The following SLC39A9 variants were observed in gnomAD, a reference collection of about 807,000 sequenced individuals.
The protein encoded by SLC39A9 is zinc transporter ZIP9.
Under a neutral mutation model 28.4 loss-of-function variants are expected in SLC39A9, and 14 were observed. The ratio of observed to expected loss-of-function variants is 0.49; its 90% CI spans 0.33 to 0.77. SLC39A9 has a LOEUF of 0.77. Ranked by LOEUF, SLC39A9 falls within the 30% of genes least tolerant of loss-of-function variation. The pLI, the probability that SLC39A9 is intolerant of heterozygous loss-of-function variation, is 0.02. For missense variants in SLC39A9, 283 were observed against 381.1 expected (o/e 0.74, Z 2.14); for synonymous variants, 119 against 149.6 (o/e 0.80, Z 1.49).
chr14:69,427,485 A>G (rs1321715323), intron 2 of SLC39A9, among the ~76,000 whole-genome samples: 2 of 152,214 alleles, frequency 1.3e-5, no homozygotes, highest in East Asian at 1.9e-4. Flanking sequence ...AGGTGTACAC[A>G]TCTACAAGTT....
intron 1 of SLC39A9, among the ~76,000 whole-genome samples, chr14:69,407,939 T>A (rs1041499848): frequency 2.4e-4 from 36 of 152,156 alleles, no homozygotes; most frequent in African/African-American, 8.4e-4. Flanking sequence ...CCTGCTATTA[T>A]ATTCTTTACG....
Position 69,460,977 on chromosome 14 carries a change from G to C in SLC39A9, c.*2384G>C, listed in dbSNP as rs1275230208. ...GGAGGAAGAGCTTGCTGGCATGGTGGGCAGTATTCCAGGAGAGGCCATGTC... is the reference window on the plus strand; with the variant it reads ...GGAGGAAGAGCTTGCTGGCATGGTGCGCAGTATTCCAGGAGAGGCCATGTC... On this transcript the variant is annotated 3_prime_UTR_variant, in exon 7 of 7. Transcript: ENST00000336643. The C allele has an allele frequency of 3.0e-6, 3 of 985,368 alleles. No individual in the cohort carries two copies. The highest frequency in any genetic ancestry group is 3.6e-6 in the Non-Finnish European group (3 of 830,038). 61.0% of individuals were successfully genotyped at this position (985,368 alleles called of 1,614,324 possible).
intron 1 of SLC39A9, among the ~76,000 whole-genome samples, chr14:69,400,129 C>T (rs1302629627): frequency 6.6e-6 from 1 of 152,128 alleles, no homozygotes; most frequent in South Asian, 2.1e-4. Flanking sequence ...ATGATAACTT[C>T]CTTTTGAGAA....
Position 69,460,995 on chromosome 14 carries a change from G to A in SLC39A9, c.*2402G>A. The A allele has an allele frequency of 1.0e-6, 1 of 985,462 alleles. No individual in the cohort carries two copies. The highest frequency in any genetic ancestry group is 1.2e-6 in the Non-Finnish European group (1 of 830,030). 61.0% of individuals were successfully genotyped at this position (985,462 alleles called of 1,614,324 possible). ...CATGGTGGGCAGTATTCCAGGAGAG[G>A]CCATGTCCGTGTTCACTTCTTGGCA... On this transcript the variant is annotated 3_prime_UTR_variant, in exon 7 of 7. Transcript: ENST00000336643.
At chr14:69,454,772 T>C (rs768911563) in intron 4 of SLC39A9, 40 bp from the exon 5 acceptor site, 14 of 1,520,142 alleles carry the variant, frequency 9.2e-6, no homozygotes, top group Non-Finnish European at 1.2e-5. Context: ...ATTGTTGTTG[T>C]TGTTTATAGT....
At chr14:69,434,083 CTTTTT>C (rs570635766) in intron 2 of SLC39A9, among the ~76,000 whole-genome samples, 2 of 128,330 alleles carry the variant, frequency 1.6e-5, no homozygotes, top group Non-Finnish European at 1.6e-5. Context: ...CTTTTCTTTT[CTTTTT>C]TTTTTTTTTT....
intron 2 of SLC39A9, among the ~76,000 whole-genome samples, chr14:69,433,457 G>C (rs1012002152): frequency 2.0e-5 from 3 of 152,088 alleles, no homozygotes; most frequent in African/African-American, 7.2e-5. Flanking sequence ...TTAGATTTGG[G>C]AAGTGTTCCC....
chr14:69,420,004 A>G (rs148442302), intron 1 of SLC39A9, among the ~76,000 whole-genome samples: 22 of 152,110 alleles, frequency 1.4e-4, no homozygotes, highest in Non-Finnish European at 2.5e-4. Flanking sequence ...TACATTTAAG[A>G]TTAATATTGT....
intron 1 of SLC39A9, among the ~76,000 whole-genome samples, chr14:69,407,362 A>G (rs892672117): frequency 1.7e-5 from 2 of 119,702 alleles, no homozygotes; most frequent in East Asian, 2.3e-4. Flanking sequence ...CTTCCTTCCA[A>G]ATTTCACTCT....
chr14:69,423,371 A>G (rs916195800), intron 1 of SLC39A9, among the ~76,000 whole-genome samples: 1 of 152,144 alleles, frequency 6.6e-6, no homozygotes, highest in African/African-American at 2.4e-5. Context: ...TCAGGTTTGC[A>G]TTAGTAATAA....
chr14:69,443,256 G>T (rs996828820), intron 3 of SLC39A9, among the ~76,000 whole-genome samples: 10 of 152,200 alleles, frequency 6.6e-5, no homozygotes, highest in Non-Finnish European at 1.0e-4. Context: ...TTGCAGATAG[G>T]AAATATTGGA....
chr14:69,444,532 A>G (rs1467566152), intron 3 of SLC39A9, among the ~76,000 whole-genome samples: 1 of 152,208 alleles, frequency 6.6e-6, no homozygotes, highest in Non-Finnish European at 1.5e-5. Context: ...GCTGTGATAG[A>G]ATAGGCACTC....
At chr14:69,413,083 G>T (rs556703150) in intron 1 of SLC39A9, among the ~76,000 whole-genome samples, 5 of 152,118 alleles carry the variant, frequency 3.3e-5, no homozygotes, top group Admixed American at 3.3e-4. Context: ...TCGGCCAGGC[G>T]CAGTGGCTCA....
rs1235891005 is a variant in SLC39A9, at chr14:69,459,956, C to T, written c.*1363C>T. ...GCTTTGTTGAGCCCTTAAAATACCACCTCCTCATGTGTAAATTGACACAAT... is the reference window on the plus strand; with the variant it reads ...GCTTTGTTGAGCCCTTAAAATACCATCTCCTCATGTGTAAATTGACACAAT... On this transcript the variant is annotated 3_prime_UTR_variant, in exon 7 of 7. Transcript: ENST00000336643. 3.0e-6 allele frequency: 3 copies of T among 985,332 alleles called. No homozygotes were observed. The highest frequency in any genetic ancestry group is 5.2e-4 in the Middle Eastern group (1 of 1,936). The allele number at this position is 985,332 out of a possible 1,614,324, so 61.0% of individuals were successfully genotyped here. A position where few individuals can be genotyped will look rare whatever the true frequency, so the allele number is the denominator to read the frequency against.
chr14:69,453,817 C>A (rs1330675555), intron 4 of SLC39A9, among the ~76,000 whole-genome samples: 1 of 152,150 alleles, frequency 6.6e-6, no homozygotes, highest in African/African-American at 2.4e-5. Flanking sequence ...TGACAATGAT[C>A]CATCTCTTTT....
At chr14:69,444,199 TAAAGAC>T (rs1036047892) in intron 3 of SLC39A9, among the ~76,000 whole-genome samples, 7 of 151,734 alleles carry the variant, frequency 4.6e-5, no homozygotes, top group African/African-American at 1.7e-4. Context: ...TCAAAAAAAA[TAAAGAC>T]AAAGGAAATG....
chr14:69,404,725 A>G (rs1429902270), intron 1 of SLC39A9, among the ~76,000 whole-genome samples: 1 of 152,084 alleles, frequency 6.6e-6, no homozygotes, highest in East Asian at 1.9e-4. Context: ...CTATTTGGAG[A>G]GGCCAGGGCT....
intron 1 of SLC39A9, among the ~76,000 whole-genome samples, chr14:69,412,155 C>G (rs1020854201): frequency 6.6e-6 from 1 of 151,356 alleles, no homozygotes; most frequent in Non-Finnish European, 1.5e-5. Flanking sequence ...TTTGGGAGGC[C>G]GAGGCGGGTG....
chr14:69,456,049 T>C (rs886301173), intron 6 of SLC39A9, among the ~76,000 whole-genome samples, 183 bp downstream of exon 6: 2 of 152,260 alleles, frequency 1.3e-5, no homozygotes, highest in African/African-American at 2.4e-5. Context: ...CATTTTCTTA[T>C]TCATTTAATT....
Sources: allele counts gnomAD v4.1 joint callset (sites outside exome capture counted in the v4.1 genomes callset), GRCh38; gene constraint gnomAD v4.1.1; transcripts MANE v1.5; gene names NCBI Gene and HGNC (gene_info 2026-07-23, HGNC 2026-07-21).